KCNQ1: variants seen among roughly 807,000 people sequenced by gnomAD.
The protein encoded by KCNQ1 is potassium voltage-gated channel subfamily KQT member 1.
Under a neutral mutation model 72.4 loss-of-function variants are expected in KCNQ1, and 49 were observed. The ratio of observed to expected loss-of-function variants is 0.68; its 90% CI spans 0.54 to 0.86. The LOEUF is 0.86. KCNQ1 is among the 40% of genes least tolerant of loss of function. KCNQ1 has a pLI of 0.00. For missense variants in KCNQ1, 790 were observed against 945.1 expected (o/e 0.84, Z 2.15); for synonymous variants, 450 against 412.6 (o/e 1.09, Z -1.10).
At chr11:2,804,210 C>T (rs906862605) in intron 15 of KCNQ1, among the ~76,000 whole-genome samples, 5 of 152,222 alleles carry the variant, frequency 3.3e-5, no homozygotes, top group African/African-American at 1.2e-4. Context: ...CCAGCTCCCA[C>T]ACCACCCATG....
At chr11:2,821,490 G>C (rs1408716040) in intron 15 of KCNQ1, among the ~76,000 whole-genome samples, 1 of 152,232 alleles carries the variant, frequency 6.6e-6, no homozygotes, top group Non-Finnish European at 1.5e-5. Context: ...GATGGGCTCA[G>C]ATGGAGTGGG....
In KCNQ1 at chr11:2,724,211, G is replaced by GAT. The variant is rs1179455438; in HGVS notation, c.1515-44629_1515-44628dup. The stretch of plus-strand genomic sequence containing the variant: ...AACACGCACAGATCCAGGCTCAGAT[G>GAT]ATATACAGTCCTCCTCCCGGCTCAG... On this transcript the variant is annotated intron_variant, in intron 11 of 15. Coordinates refer to ENST00000155840, the MANE Select transcript of KCNQ1 (RefSeq NM_000218.3). The surrounding 1 kb of genome is among the most constrained non-coding windows in gnomAD (Gnocchi z 6.8). Among the ~76,000 whole-genome samples, 1 of 152,202 alleles carries GAT rather than the reference G, an allele frequency of 6.6e-6. No individual in the cohort carries two copies. Among genetic ancestry groups the GAT allele is most frequent in the East Asian group, 1.9e-4 (1 of 5,186 alleles).
chr11:2,522,753 C>T (rs77686561), intron 1 of KCNQ1, among the ~76,000 whole-genome samples: 5,392 of 152,312 alleles, frequency 0.035, 314 homozygotes, highest in African/African-American at 0.12. Context: ...TGCGGGGGAA[C>T]GTTCCTCAGC....
At position 2,592,493 on chromosome 11, in the gene KCNQ1, CCTT is replaced by C. The variant is rs1848683491; in HGVS notation, c.1393+3642_1393+3644del. Among the ~76,000 whole-genome samples the C allele has an allele frequency of 6.6e-6, 1 of 152,218 alleles. No individual in the cohort carries two copies. Among genetic ancestry groups the C allele is most frequent in the Non-Finnish European group, 1.5e-5 (1 of 68,026 alleles). On this transcript the variant is annotated intron_variant, in intron 10 of 15. Transcript: ENST00000155840. The surrounding 1 kb of genome is among the most constrained non-coding windows in gnomAD (Gnocchi z 5.2). ...GCAGGGCCCGCTGCTGCTCCCTCAA[CCTT>C]CTGACCTGGGTGGGGAGGGAGGGGA... is the stretch of plus-strand genomic sequence containing the variant.
At position 2,710,078 on chromosome 11, in the gene KCNQ1, TG is replaced by T. The variant is rs1297277828; in HGVS notation, c.1514+47999del. Among the ~76,000 whole-genome samples, 1 of 152,234 alleles carries T rather than the reference TG, an allele frequency of 6.6e-6. No homozygotes were observed. The highest frequency in any genetic ancestry group is 1.5e-5 in the Non-Finnish European group (1 of 68,040). ...GGATCTGCCAGACTGTTTTCCAATG[TG>T]GCAGCACCATTTTGCATTCCCACCA... is the stretch of plus-strand genomic sequence containing the variant. On this transcript the variant is annotated intron_variant, in intron 11 of 15. Coordinates refer to ENST00000155840, the MANE Select transcript of KCNQ1 (RefSeq NM_000218.3). The surrounding 1 kb of genome is among the most constrained non-coding windows in gnomAD (Gnocchi z 4.1).
chr11:2,577,526 C>G (rs537405186), intron 6 of KCNQ1, among the ~76,000 whole-genome samples: 1 of 152,222 alleles, frequency 6.6e-6, no homozygotes, highest in African/African-American at 2.4e-5. Flanking sequence ...TGTGGGGCTC[C>G]GGGCTTCGTG....
At chr11:2,646,845 T>C in intron 10 of KCNQ1, 1 of 398,676 alleles carries the variant, frequency 2.5e-6, no homozygotes, top group Non-Finnish European at 4.4e-6. Context: ...GATTTTTTTA[T>C]CCTGCAACTT....
chr11:2,667,111 G>A (rs934613561), intron 11 of KCNQ1: 20 of 398,528 alleles, frequency 5.0e-5, no homozygotes, highest in East Asian at 2.5e-4. Context: ...AAACCGAGGC[G>A]TAATGGCTCA....
intron 6 of KCNQ1, 40 bp downstream of exon 6, chr11:2,573,026 C>G (rs1178679697): frequency 6.2e-7 from 1 of 1,603,608 alleles, no homozygotes; most frequent in East Asian, 2.2e-5. Flanking sequence ...AGGGGCAGCT[C>G]AGGCTGAGGA....
At chr11:2,585,332 C>A in intron 8 of KCNQ1, 25 bp downstream of exon 8, 1 of 1,599,958 alleles carries the variant, frequency 6.3e-7, no homozygotes, top group South Asian at 1.1e-5. Context: ...AGGCCCTGGT[C>A]ACTGTCATTT....
rs950757982 is a variant in KCNQ1 at position 2,627,248 on chromosome 11, G to C, written c.1394-34713G>C. 4.8e-5 allele frequency: 19 copies of C among 398,384 alleles called. No homozygotes were observed. The allele number at this position is 398,384 out of a possible 1,614,324, so 24.7% of individuals were successfully genotyped here. On this transcript the variant is annotated intron_variant, in intron 10 of 15. Transcript: ENST00000155840. This position sits in a 1 kb window ranked among gnomAD's most constrained non-coding sequence, Gnocchi z 4.9. ...TATTTAAGAACATATTTGACCTACT[G>C]TGAAATGATTACTACAATCAAGCCA... is the stretch of plus-strand genomic sequence containing the variant.
chr11:2,452,685 G>A (rs1463609733), intron 1 of KCNQ1, among the ~76,000 whole-genome samples: 1 of 152,240 alleles, frequency 6.6e-6, no homozygotes, highest in Non-Finnish European at 1.5e-5. Context: ...CTCTTGGCTA[G>A]GATGGCTCAA....
chr11:2,649,349 C>G (rs1173761597), intron 10 of KCNQ1: 3 of 397,786 alleles, frequency 7.5e-6, no homozygotes, highest in Non-Finnish European at 1.3e-5. Flanking sequence ...ATTCCTTTTC[C>G]TTTCTCATTT....
rs1283649769 is a variant in KCNQ1 at position 2,572,096 on chromosome 11, T to C, written c.767T>C (p.Phe256Ser). ...GTWRLLGSVV[F>S]IHRQELITTL... The stretch of plus-strand genomic sequence containing the variant: ...TGGAGGCTCCTGGGCTCCGTGGTCT[T>C]CATCCACCGCCAGGTGGGTGGCCCG... Residue 256 changes from phenylalanine (F) to serine (S), a missense_variant, in exon 5 of 16, where the codon TTC becomes TCC. Transcript: ENST00000155840. 6.2e-7 allele frequency: 1 copy of C among 1,612,080 alleles called. No individual in the cohort carries two copies. Among genetic ancestry groups the C allele is most frequent in the Non-Finnish European group, 8.5e-7 (1 of 1,179,628 alleles).
chr11:2,731,986 G>A (rs1472356408), intron 11 of KCNQ1, among the ~76,000 whole-genome samples: 2 of 152,260 alleles, frequency 1.3e-5, no homozygotes, highest in Non-Finnish European at 2.9e-5. Context: ...GACCAGCGAG[G>A]TGTGGCCTGC....
At position 2,565,508 on chromosome 11, in the gene KCNQ1, A is replaced by G. The variant is rs1848234644; in HGVS notation, c.478-5120A>G. Among the ~76,000 whole-genome samples the G allele has an allele frequency of 6.6e-6, 1 of 152,232 alleles. No individual in the cohort carries two copies. Among genetic ancestry groups the G allele is most frequent in the Non-Finnish European group, 1.5e-5 (1 of 68,048 alleles). On this transcript the variant is annotated intron_variant, in intron 2 of 15. Coordinates refer to ENST00000155840, the MANE Select transcript of KCNQ1 (RefSeq NM_000218.3). The surrounding 1 kb of genome is among the most constrained non-coding windows in gnomAD (Gnocchi z 5.6). The stretch of plus-strand genomic sequence containing the variant: ...GGTTTTTTAAATAATTTTAAAGCAC[A>G]CAAATAAGACACCTGAGAGCCAACT...
At chr11:2,757,551 CT>C (rs1846323537) in intron 11 of KCNQ1, among the ~76,000 whole-genome samples, 1 of 152,146 alleles carries the variant, frequency 6.6e-6, no homozygotes, top group Non-Finnish European at 1.5e-5. Context: ...AGCAAGATTT[CT>C]TATGGACATG....
rs564486641 is a variant in KCNQ1, at chr11:2,704,318, G to A, written c.1514+42237G>A. Among the ~76,000 whole-genome samples the A allele has an allele frequency of 1.1e-3, 169 of 152,298 alleles. No individual in the cohort carries two copies. Among genetic ancestry groups the A allele is most frequent in the Admixed American group, 1.9e-3 (29 of 15,298 alleles). On this transcript the variant is annotated intron_variant, in intron 11 of 15. Coordinates refer to ENST00000155840, the MANE Select transcript of KCNQ1 (RefSeq NM_000218.3). This position sits in a 1 kb window ranked among gnomAD's most constrained non-coding sequence, Gnocchi z 4.3. ...TTCCCTTCCAACTTGATGGTTTCAG[G>A]TACATGGGCCTGTTGTCAACTCTGT...
chr11:2,527,334 GACC>G (rs1847527138), intron 1 of KCNQ1, among the ~76,000 whole-genome samples: 1 of 152,192 alleles, frequency 6.6e-6, no homozygotes, highest in African/African-American at 2.4e-5. Context: ...TCTGTGCTGT[GACC>G]ACCAACACCC....
Sources: gnomAD v4.1 joint callset for allele counts (sites outside exome capture counted in the v4.1 genomes callset) on GRCh38, gnomAD v4.1.1 for gene constraint, Gnocchi (gnomAD v3.1) non-coding constraint, MANE v1.5 for transcripts, NCBI Gene and HGNC (gene_info 2026-07-23, HGNC 2026-07-21) for gene names.